The following RABGEF1 variants were observed in gnomAD, a reference collection of about 807,000 sequenced individuals.
RABGEF1 encodes the protein rab5 GDP/GTP exchange factor.
In RABGEF1, 26 loss-of-function variants were observed where a neutral mutation model predicts 57.3. That is an observed-to-expected ratio of 0.45 (90% CI 0.33 to 0.63). The LOEUF (loss-of-function observed/expected upper bound fraction) is 0.63. Ranked by LOEUF, RABGEF1 falls within the 20% of genes least tolerant of loss-of-function variation. The pLI, the probability that RABGEF1 is intolerant of heterozygous loss-of-function variation, is 0.02. For synonymous variants in RABGEF1, 185 were observed against 210.7 expected, an observed-to-expected ratio of 0.88 and a Z score of 1.06; for missense variants, 464 against 607.6, an observed-to-expected ratio of 0.76 and a Z score of 2.48.
chr7:66,804,086 ATTTT>A (rs776154567), intron 7 of RABGEF1, among the ~76,000 whole-genome samples: 1 of 136,920 alleles, frequency 7.3e-6, no homozygotes, highest in African/African-American at 2.7e-5. Flanking sequence ...CAGTAGCTGG[ATTTT>A]TTTTTTTTTT....
chr7:66,763,200 A>G, intron 1 of RABGEF1, among the ~76,000 whole-genome samples: 1 of 152,198 alleles, frequency 6.6e-6, no homozygotes, highest in South Asian at 2.1e-4. Context: ...TCTGTAGATT[A>G]GAGGTTCAAG....
upstream of RABGEF1, among the ~76,000 whole-genome samples, chr7:66,677,700 T>A (rs1249957684): frequency 7.3e-6 from 1 of 137,216 alleles, no homozygotes; most frequent in Non-Finnish European, 1.5e-5. Context: ...AGGGGGAGAA[T>A]GCAGTGAGCT....
At chr7:66,799,180 G>A (rs1339468475) in intron 6 of RABGEF1, 143 bp from the exon 7 acceptor site, 7 of 590,358 alleles carry the variant, frequency 1.2e-5, no homozygotes, top group East Asian at 5.8e-5. Context: ...ATTAGAGCTC[G>A]TAGTACTTGC....
At chr7:66,791,082 C>G (rs545060909) in intron 4 of RABGEF1, among the ~76,000 whole-genome samples, 4 of 152,160 alleles carry the variant, frequency 2.6e-5, no homozygotes, top group South Asian at 4.1e-4. Flanking sequence ...ACATTTCTTA[C>G]GCTAAAAATA....
chr7:66,756,563 A>AT (rs1023152942), intron 1 of RABGEF1, among the ~76,000 whole-genome samples: 4 of 151,356 alleles, frequency 2.6e-5, no homozygotes, highest in East Asian at 1.9e-4. Flanking sequence ...TCCTGTTCAG[A>AT]TTTTTTTTTC....
In RABGEF1 at chr7:66,683,676, G is replaced by T. The variant is rs576670712; in HGVS notation, c.-873+1418G>T. ...AACATTCAGACTAACAGGGTGGAGT[G>T]AGGGAGAGGGGGGAACCAAAGGAGG... is the stretch of plus-strand genomic sequence containing the variant. On this transcript the variant is annotated intron_variant and NMD_transcript_variant, in intron 1 of 9. Coordinates refer to the RABGEF1 transcript ENST00000607882. Among the ~76,000 whole-genome samples the T allele has an allele frequency of 3.3e-5, 5 of 152,312 alleles. No homozygotes were observed. The East Asian group carries it at 9.6e-4, about 29-fold the overall frequency.
intron 2 of RABGEF1, among the ~76,000 whole-genome samples, chr7:66,772,301 G>T (rs922597012): frequency 5.9e-5 from 9 of 152,158 alleles, no homozygotes; most frequent in African/African-American, 1.9e-4. Context: ...TCTTTGGGTT[G>T]TGTTAGTTTT....
At chr7:66,671,562 G>A in the RABGEF1 span, among the ~76,000 whole-genome samples, 15,716 of 152,212 alleles carry the variant, frequency 0.1, 992 homozygotes, top group South Asian at 0.2. Context: ...GACTGATATA[G>A]TGTTGTTCTC....
chr7:66,713,980 A>T (rs1467936948), intron 2 of RABGEF1, among the ~76,000 whole-genome samples: 1 of 151,662 alleles, frequency 6.6e-6, no homozygotes, highest in African/African-American at 2.4e-5. Flanking sequence ...ACTTTTTTTG[A>T]GTTTTTTTGG....
chr7:66,656,456 A>G, the RABGEF1 span, among the ~76,000 whole-genome samples: 2 of 152,170 alleles, frequency 1.3e-5, no homozygotes, highest in East Asian at 3.9e-4. Context: ...ACAGAGATCT[A>G]GAAGCTTAGG....
chr7:66,799,659 G>A (rs760160316), intron 7 of RABGEF1, among the ~76,000 whole-genome samples: 15 of 152,064 alleles, frequency 9.9e-5, no homozygotes, highest in Admixed American at 2.0e-4. Context: ...AAGGTCAAAT[G>A]CAGATAGAAT....
chr7:66,772,633 G>A (rs895482564), intron 2 of RABGEF1, among the ~76,000 whole-genome samples: 1 of 152,178 alleles, frequency 6.6e-6, no homozygotes, highest in Non-Finnish European at 1.5e-5. Context: ...GATGGGCCGG[G>A]CGCAGTGGCT....
chr7:66,794,232 T>A (rs1379551401), intron 4 of RABGEF1, among the ~76,000 whole-genome samples: 1 of 119,146 alleles, frequency 8.4e-6, no homozygotes, highest in East Asian at 2.5e-4. Flanking sequence ...TTTTTTTTTT[T>A]ACTTATTATT....
intron 3 of RABGEF1, among the ~76,000 whole-genome samples, chr7:66,775,893 G>A (rs990194179): frequency 7.9e-5 from 12 of 152,174 alleles, no homozygotes; most frequent in African/African-American, 1.9e-4. Flanking sequence ...GGGCTCTTGG[G>A]GGGATGAAAG....
the RABGEF1 span, among the ~76,000 whole-genome samples, chr7:66,672,857 C>G: frequency 3.3e-5 from 5 of 152,186 alleles, no homozygotes; most frequent in African/African-American, 2.4e-5. Context: ...TATCAGCTGC[C>G]TCCAATGCTG....
the RABGEF1 span, among the ~76,000 whole-genome samples, chr7:66,656,235 G>A: frequency 2.6e-5 from 4 of 152,132 alleles, no homozygotes; most frequent in Non-Finnish European, 5.9e-5. Context: ...TCCCACCTCA[G>A]CCTCCCAAGT....
the RABGEF1 span, among the ~76,000 whole-genome samples, chr7:66,668,435 C>T: frequency 0.039 from 5,987 of 152,170 alleles, 165 homozygotes; most frequent in East Asian, 0.085. Flanking sequence ...AGAGAATGGC[C>T]GGGAGTCCCT....
upstream of RABGEF1, among the ~76,000 whole-genome samples, chr7:66,681,430 G>A (rs1023666712): frequency 9.2e-5 from 13 of 140,792 alleles, no homozygotes; most frequent in Non-Finnish European, 3.0e-5. Context: ...ACAGGGTCTC[G>A]CTCTGCTCTG....
chr7:66,658,864 TA>T, the RABGEF1 span, among the ~76,000 whole-genome samples: 1 of 151,812 alleles, frequency 6.6e-6, no homozygotes, highest in Non-Finnish European at 1.5e-5. Context: ...GCCTCCCGAG[TA>T]GCTGGGACTA....
Sources: gnomAD v4.1 joint callset for allele counts (sites outside exome capture counted in the v4.1 genomes callset) on GRCh38, gnomAD v4.1.1 for gene constraint, MANE v1.5 for transcripts, NCBI Gene and HGNC (gene_info 2026-07-23, HGNC 2026-07-21) for gene names.